SLC24A2: variants seen among roughly 807,000 people sequenced by gnomAD.
The protein encoded by SLC24A2 is solute carrier family 24 member 2.
Under a neutral mutation model 62.0 loss-of-function variants are expected in SLC24A2, and 36 were observed. The observed-to-expected ratio is 0.58, with a 90% CI of 0.44 to 0.77. The LOEUF (loss-of-function observed/expected upper bound fraction) is 0.77, where lower values mean the gene tolerates loss of function less well. Ranked by LOEUF, SLC24A2 falls within the 30% of genes least tolerant of loss-of-function variation. SLC24A2 has a pLI of 0.00. For missense variants in SLC24A2, 846 were observed against 817.9 expected (o/e 1.03, Z -0.42); for synonymous variants, 358 against 294.0 (o/e 1.22, Z -2.23).
intron 2 of SLC24A2, among the ~76,000 whole-genome samples, chr9:19,658,046 A>G (rs1365404020): frequency 6.6e-6 from 1 of 152,146 alleles, no homozygotes; most frequent in Non-Finnish European, 1.5e-5. Flanking sequence ...AAACCATAGC[A>G]TCCCCCAAAC....
At chr9:19,895,926 C>G in the SLC24A2 span, 1 of 1,613,328 alleles carries the variant, frequency 6.2e-7, no homozygotes, top group East Asian at 2.2e-5. Flanking sequence ...TCCTCCTCAT[C>G]AGGTCAAACA....
the SLC24A2 span, among the ~76,000 whole-genome samples, chr9:20,288,372 G>C: frequency 6.6e-6 from 1 of 152,230 alleles, no homozygotes; most frequent in African/African-American, 2.4e-5. Context: ...AAGAAGTAAA[G>C]TCTGTTCCCT....
the SLC24A2 span, among the ~76,000 whole-genome samples, chr9:19,806,027 G>C: frequency 1.3e-5 from 2 of 151,842 alleles, no homozygotes; most frequent in African/African-American, 2.4e-5. Context: ...ATTTTACTTT[G>C]ACTTTGGCTC....
rs1297715687 is a variant in SLC24A2 at position 19,564,358 on chromosome 9, A to G, written c.1347+8993T>C. The stretch of plus-strand genomic sequence containing the variant: ...AGGCTTTATAAAAGCAGATCTTAAA[A>G]ACTCCACTGAGTTTAGGTAAAGATA... On this transcript the variant is annotated intron_variant, in intron 7 of 10. Transcript: ENST00000341998. Among the ~76,000 whole-genome samples, 6 of 152,314 alleles carry G rather than the reference A, an allele frequency of 3.9e-5. 1 individual carries two copies. In the South Asian group the frequency reaches 8.3e-4, roughly 21 times the overall value.
chr9:19,682,570 G>GGCCT (rs1406979331), intron 2 of SLC24A2, among the ~76,000 whole-genome samples: 1 of 152,066 alleles, frequency 6.6e-6, no homozygotes, highest in East Asian at 1.9e-4. Context: ...CCTGAGGAAA[G>GGCCT]GCCTGTTTCC....
intron 9 of SLC24A2, among the ~76,000 whole-genome samples, chr9:19,527,457 C>T (rs1280831051): frequency 6.6e-6 from 1 of 152,176 alleles, no homozygotes; most frequent in Non-Finnish European, 1.5e-5. Context: ...GTAGGACATA[C>T]TCAATTATCA....
the SLC24A2 span, among the ~76,000 whole-genome samples, chr9:20,175,172 G>T: frequency 5.3e-5 from 8 of 151,982 alleles, no homozygotes; most frequent in East Asian, 9.7e-4. Context: ...CTCGTAAGTG[G>T]GAGCTAAGCT....
the SLC24A2 span, among the ~76,000 whole-genome samples, chr9:19,941,590 T>TGTGTGAGA: frequency 0.024 from 3,036 of 127,838 alleles, 65 homozygotes; most frequent in African/African-American, 0.054. Flanking sequence ...TGTGTGTGTG[T>TGTGTGAGA]GAGAGAGAGA....
the SLC24A2 span, among the ~76,000 whole-genome samples, chr9:20,003,051 T>A: frequency 6.6e-6 from 1 of 152,224 alleles, no homozygotes; most frequent in Admixed American, 6.5e-5. Context: ...ATGATAAATC[T>A]GGTTCTGCCT....
the SLC24A2 span, among the ~76,000 whole-genome samples, chr9:20,024,669 T>C: frequency 6.6e-6 from 1 of 152,234 alleles, no homozygotes; most frequent in Non-Finnish European, 1.5e-5. Flanking sequence ...AAAATACGTG[T>C]GTGTGTGTTC....
the SLC24A2 span, among the ~76,000 whole-genome samples, chr9:19,873,536 C>CTTTCTTTCTTTCTTTATTTCTT: frequency 0.03 from 4,050 of 137,050 alleles, 100 homozygotes; most frequent in Non-Finnish European, 0.041. Context: ...TCCTTTCTTT[C>CTTTCTTTCTTTCTTTATTTCTT]TCTTTCTTTC....
chr9:19,968,836 G>A, the SLC24A2 span, among the ~76,000 whole-genome samples: 1 of 152,174 alleles, frequency 6.6e-6, no homozygotes, highest in East Asian at 1.9e-4. Context: ...AGTTTCTGCA[G>A]CAAGGAAATC....
chr9:20,152,316 G>A, the SLC24A2 span, among the ~76,000 whole-genome samples: 7 of 151,808 alleles, frequency 4.6e-5, no homozygotes, highest in Admixed American at 4.6e-4. Flanking sequence ...CTAGCATAAG[G>A]TTTCGTATTC....
chr9:19,663,462 C>T (rs567137329), intron 2 of SLC24A2, among the ~76,000 whole-genome samples: 2 of 152,252 alleles, frequency 1.3e-5, no homozygotes, highest in Admixed American at 6.5e-5. Context: ...CAGAGCCTGC[C>T]CCCTTCCGCA....
At chr9:19,831,162 G>A in the SLC24A2 span, among the ~76,000 whole-genome samples, 2,528 of 152,262 alleles carry the variant, frequency 0.017, 47 homozygotes, top group East Asian at 0.082. Flanking sequence ...TGATACTATT[G>A]CATTGGGGAT....
At chr9:19,848,119 T>C in the SLC24A2 span, among the ~76,000 whole-genome samples, 6 of 152,188 alleles carry the variant, frequency 3.9e-5, no homozygotes, top group Non-Finnish European at 7.4e-5. Context: ...AACAAGTGGA[T>C]TTTTCTGAAT....
intron 10 of SLC24A2, among the ~76,000 whole-genome samples, chr9:19,518,964 G>A (rs996281307): frequency 6.6e-5 from 10 of 152,062 alleles, no homozygotes; most frequent in African/African-American, 2.4e-4. Context: ...ACTGCTTAAA[G>A]GAATTTATCC....
At chr9:20,122,072 A>T in the SLC24A2 span, among the ~76,000 whole-genome samples, 1 of 152,210 alleles carries the variant, frequency 6.6e-6, no homozygotes, top group Non-Finnish European at 1.5e-5. Context: ...TGGGGGCACC[A>T]AACGTTCCAA....
At chr9:19,826,280 C>T in the SLC24A2 span, among the ~76,000 whole-genome samples, 1 of 151,438 alleles carries the variant, frequency 6.6e-6, no homozygotes, top group African/African-American at 2.4e-5. Flanking sequence ...AGGGGAGTTA[C>T]CTTCTGTTAT....
Sources: gnomAD v4.1 joint callset for allele counts (sites outside exome capture counted in the v4.1 genomes callset) on GRCh38, gnomAD v4.1.1 for gene constraint, MANE v1.5 for transcripts, NCBI Gene and HGNC (gene_info 2026-07-23, HGNC 2026-07-21) for gene names.